Variants in REPS2 observed in about 807,000 individuals in gnomAD.
REPS2 encodes ralBP1-associated Eps domain-containing protein 2.
REPS2 carries 23 observed loss-of-function variants against 53.6 expected under a neutral mutation model. The observed-to-expected ratio is 0.43, with a 90% confidence interval of 0.31 to 0.61. The LOEUF (loss-of-function observed/expected upper bound fraction) is 0.61. Among genes scored for constraint, REPS2 ranks in the 20% least tolerant of loss-of-function variants. The pLI, the probability that REPS2 is intolerant of heterozygous loss-of-function variation, is 0.11. For synonymous variants in REPS2, 238 were observed against 218.6 expected (o/e 1.09, Z -0.78); for missense variants, 446 against 534.9 (o/e 0.83, Z 1.64).
intron 4 of REPS2, among the ~76,000 whole-genome samples, chrX:17,027,253 A>G (rs748653792): frequency 4.5e-5 from 5 of 112,040 alleles, no homozygotes; most frequent in Admixed American, 3.8e-4. Context: ...TTTCATCACC[A>G]TCATTAGTTT....
At chrX:17,135,228 C>A in intron 15 of REPS2, 33 bp from the exon 16 acceptor site, 1 of 1,190,440 alleles carries the variant, frequency 8.4e-7, no homozygotes, top group Non-Finnish European at 1.1e-6. Flanking sequence ...AAATGTTTAA[C>A]TTTTTAATTT....
At chrX:16,951,669 T>C (rs1435163250) in intron 1 of REPS2, among the ~76,000 whole-genome samples, 2 of 111,430 alleles carry the variant, frequency 1.8e-5, no homozygotes, top group Non-Finnish European at 3.8e-5. Context: ...TGAGCCATTA[T>C]GACACCACTG....
intron 13 of REPS2, among the ~76,000 whole-genome samples, chrX:17,081,713 G>A (rs1046394551): frequency 2.9e-4 from 33 of 112,050 alleles, no homozygotes; most frequent in Admixed American, 2.5e-3. Flanking sequence ...GATACACTAT[G>A]ATCGCTGTGT....
intron 2 of REPS2, 131 bp from the exon 3 acceptor site, chrX:17,021,991 TA>T: frequency 1.7e-6 from 1 of 575,959 alleles, no homozygotes; most frequent in Admixed American, 3.1e-5. Flanking sequence ...TCATTGTATC[TA>T]AATCTAAATT....
Position 16,946,866 on chromosome X carries a change from A to AGGCGGCAGC in REPS2, c.12_20dup (p.Ala15_Ala17dup). On this transcript the variant is annotated inframe_insertion, in exon 1 of 18. Transcript: ENST00000357277. The stretch of plus-strand genomic sequence containing the variant: ...CCGCGCCCCCTTGCTGGCCCCATGG[A>AGGCGGCAGC]GGCGGCAGCGGCGGCGGCGGCGGCG... 1 of 750,233 alleles carries AGGCGGCAGC rather than the reference A, an allele frequency of 1.3e-6. No individual in the cohort carries two copies. Among genetic ancestry groups the AGGCGGCAGC allele is most frequent in the African/African-American group, 2.6e-5 (1 of 37,915 alleles). The allele number at this position is 750,233 out of a possible 1,213,427, so 61.8% of individuals were successfully genotyped here. A position where few individuals can be genotyped will look rare whatever the true frequency, so the allele number is the denominator to read the frequency against.
At chrX:17,028,398 G>T (rs1489504963) in intron 4 of REPS2, among the ~76,000 whole-genome samples, 1 of 112,416 alleles carries the variant, frequency 8.9e-6, no homozygotes, top group African/African-American at 3.2e-5. Context: ...TACCAGCTGA[G>T]ACTTACTTTT....
intron 5 of REPS2, among the ~76,000 whole-genome samples, chrX:17,041,339 A>G (rs1267164683): frequency 9.0e-6 from 1 of 111,672 alleles, no homozygotes; most frequent in Non-Finnish European, 1.9e-5. Context: ...TAGAGCATGA[A>G]TTATTGGAGG....
intron 14 of REPS2, among the ~76,000 whole-genome samples, chrX:17,107,213 A>T (rs1432543099): frequency 8.9e-6 from 1 of 112,301 alleles, no homozygotes; most frequent in Non-Finnish European, 1.9e-5. Flanking sequence ...AGTACCTTTT[A>T]CTGTATGTTC....
chrX:17,124,736 C>T (rs1310481740), intron 14 of REPS2, among the ~76,000 whole-genome samples: 3 of 110,578 alleles, frequency 2.7e-5, no homozygotes, highest in Admixed American at 9.6e-5. Flanking sequence ...TTCTTGGAAT[C>T]CACCTGGATC....
At chrX:17,004,614 T>A (rs2061341897) in intron 1 of REPS2, among the ~76,000 whole-genome samples, 1 of 111,061 alleles carries the variant, frequency 9.0e-6, no homozygotes. Flanking sequence ...AAGCAATGAT[T>A]CTAGTGGTGA....
intron 6 of REPS2, 120 bp downstream of exon 6, chrX:17,047,602 G>C: frequency 3.3e-6 from 3 of 922,279 alleles, no homozygotes; most frequent in Non-Finnish European, 4.5e-6. Flanking sequence ...TTCATCTAAA[G>C]TCGAATTTCT....
At chrX:17,121,049 C>T (rs766116181) in intron 14 of REPS2, among the ~76,000 whole-genome samples, 18 of 111,931 alleles carry the variant, frequency 1.6e-4, no homozygotes, top group African/African-American at 5.2e-4. Context: ...GATGATCTGT[C>T]TTTCAGACTT....
At chrX:17,026,248 A>G (rs955239958) in intron 4 of REPS2, among the ~76,000 whole-genome samples, 2 of 111,630 alleles carry the variant, frequency 1.8e-5, no homozygotes, top group Admixed American at 1.9e-4. Flanking sequence ...GGGGTATTAG[A>G]AGATTAAGTG....
intron 13 of REPS2, among the ~76,000 whole-genome samples, chrX:17,098,731 T>C (rs188918394): frequency 3.2e-4 from 36 of 111,350 alleles, no homozygotes; most frequent in Non-Finnish European, 5.5e-4. Context: ...AAACTTGTGC[T>C]GTCAGTGACT....
chrX:17,030,314 G>GGTGTGTGTGT (rs3222673), intron 5 of REPS2, among the ~76,000 whole-genome samples: 3 of 101,881 alleles, frequency 2.9e-5, no homozygotes, highest in South Asian at 4.6e-4. Flanking sequence ...CTCAAAGAAG[G>GGTGTGTGTGT]GTGTGTGTGT....
intron 13 of REPS2, among the ~76,000 whole-genome samples, chrX:17,098,473 C>G (rs984809675): frequency 8.9e-6 from 1 of 111,877 alleles, no homozygotes; most frequent in African/African-American, 3.2e-5. Context: ...TCAAAGAAAT[C>G]TAACACATGC....
chrX:16,978,704 A>G (rs1030126676), intron 1 of REPS2: 30 of 250,553 alleles, frequency 1.2e-4, no homozygotes, highest in Non-Finnish European at 1.5e-4. Context: ...AATTATAAAA[A>G]GATAAAATGG....
At chrX:16,968,344 G>A (rs1329830080) in intron 1 of REPS2, among the ~76,000 whole-genome samples, 17 of 110,387 alleles carry the variant, frequency 1.5e-4, no homozygotes, top group East Asian at 5.7e-4. Context: ...CCCGTTCTCA[G>A]TGAGCTGTTG....
At chrX:17,137,237 T>C (rs772069416) in intron 16 of REPS2, 1 of 112,464 alleles carries the variant, frequency 8.9e-6, no homozygotes, top group African/African-American at 3.2e-5. Flanking sequence ...GGCTGCACCA[T>C]TTTATGTTCC....
Sources: allele counts gnomAD v4.1 joint callset (sites outside exome capture counted in the v4.1 genomes callset), GRCh38; gene constraint gnomAD v4.1.1; transcripts MANE v1.5; gene names NCBI Gene and HGNC (gene_info 2026-07-23, HGNC 2026-07-21).